The following CDKAL1 variants were observed in gnomAD, a reference collection of about 807,000 sequenced individuals.
CDKAL1 encodes the protein CDKAL1 threonylcarbamoyladenosine tRNA methylthiotransferase.
A neutral mutation model predicts 68.2 loss-of-function variants in CDKAL1; 32 were observed. The ratio of observed to expected loss-of-function variants is 0.47; its 90% confidence interval spans 0.35 to 0.63. The LOEUF (loss-of-function observed/expected upper bound fraction) is 0.63, where lower values mean the gene tolerates loss of function less well. Among genes scored for constraint, CDKAL1 ranks in the 30% least tolerant of loss-of-function variants. CDKAL1 has a pLI of 0.00. For missense variants in CDKAL1, 606 were observed against 696.7 expected (o/e 0.87, Z 1.47); for synonymous variants, 234 against 244.3 (o/e 0.96, Z 0.39).
intron 9 of CDKAL1, among the ~76,000 whole-genome samples, chr6:20,903,759 T>G (rs1762109733): frequency 6.6e-6 from 1 of 152,222 alleles, no homozygotes; most frequent in African/African-American, 2.4e-5. Context: ...ATAATAAACA[T>G]AAGTCCTTCT....
chr6:21,039,728 A>G (rs1490994219), intron 11 of CDKAL1, among the ~76,000 whole-genome samples: 1 of 152,244 alleles, frequency 6.6e-6, no homozygotes. Context: ...TCATGCCTGT[A>G]AGAATCACTC....
intron 4 of CDKAL1, among the ~76,000 whole-genome samples, chr6:20,646,267 G>A (rs1010116388): frequency 1.1e-4 from 17 of 151,738 alleles, no homozygotes; most frequent in African/African-American, 2.7e-4. Context: ...ATCTTGGTCA[G>A]GCTGGTCTTG....
chr6:21,014,688 C>A (rs796788133), intron 11 of CDKAL1, among the ~76,000 whole-genome samples: 3 of 150,860 alleles, frequency 2.0e-5, no homozygotes, highest in African/African-American at 7.3e-5. Flanking sequence ...TTTATCATAT[C>A]TCTAAGTATC....
At chr6:21,224,526 A>G (rs1779659521) in intron 15 of CDKAL1, among the ~76,000 whole-genome samples, 1 of 152,048 alleles carries the variant, frequency 6.6e-6, no homozygotes, top group Non-Finnish European at 1.5e-5. Flanking sequence ...AATAATAATA[A>G]ACAATAACAA....
intron 8 of CDKAL1, among the ~76,000 whole-genome samples, chr6:20,831,730 G>A (rs901249423): frequency 2.6e-5 from 4 of 152,136 alleles, no homozygotes; most frequent in Non-Finnish European, 1.5e-5. Flanking sequence ...GAAATGGTTT[G>A]TTGTTGTTGC....
intron 13 of CDKAL1, among the ~76,000 whole-genome samples, chr6:21,141,387 C>T (rs1201012056): frequency 6.6e-6 from 1 of 152,230 alleles, no homozygotes; most frequent in East Asian, 1.9e-4. Flanking sequence ...GCCTTCAAAG[C>T]ACTCTGTGCT....
intron 5 of CDKAL1, among the ~76,000 whole-genome samples, chr6:20,707,220 G>C (rs1771640509): frequency 6.6e-6 from 1 of 152,176 alleles, no homozygotes; most frequent in African/African-American, 2.4e-5. Flanking sequence ...TGTTCTTGTG[G>C]CAGTCTGGCA....
Position 21,039,195 on chromosome 6 carries a change from A to G in CDKAL1, c.1056-25853A>G, listed in dbSNP as rs369664523. ...ACATTCTTACAGGAGCACGAACCCT[A>G]TTGTGAACTGCGCATGTGAGGGATC... On this transcript the variant is annotated intron_variant, in intron 11 of 15. Transcript: ENST00000274695. Among the ~76,000 whole-genome samples, 5 of 152,258 alleles carry G rather than the reference A, an allele frequency of 3.3e-5. No individual in the cohort carries two copies. In the South Asian group the frequency reaches 1.0e-3, roughly 32 times the overall value.
At chr6:21,198,193 T>A in intron 14 of CDKAL1, 89 bp downstream of exon 14, 1 of 823,016 alleles carries the variant, frequency 1.2e-6, no homozygotes, top group Non-Finnish European at 2.0e-6. Flanking sequence ...GGGGAGAGTG[T>A]TGAATCTTGT....
intron 4 of CDKAL1, among the ~76,000 whole-genome samples, chr6:20,590,953 A>G (rs1765566755): frequency 6.6e-6 from 1 of 152,144 alleles, no homozygotes; most frequent in Non-Finnish European, 1.5e-5. Context: ...CAATGGTTGA[A>G]CTAATTTACA....
chr6:20,751,391 C>G (rs1423177941), intron 6 of CDKAL1, among the ~76,000 whole-genome samples: 1 of 152,160 alleles, frequency 6.6e-6, no homozygotes, highest in Admixed American at 6.5e-5. Flanking sequence ...CCACATTTGA[C>G]TATTTAAATA....
chr6:20,939,125 A>C (rs1254577159), intron 9 of CDKAL1, among the ~76,000 whole-genome samples: 2 of 152,174 alleles, frequency 1.3e-5, no homozygotes, highest in Admixed American at 1.3e-4. Flanking sequence ...CAAAACAGAG[A>C]ATTGCAGTCT....
chr6:21,003,371 T>TATATATATACATACAC, intron 11 of CDKAL1, among the ~76,000 whole-genome samples: 1 of 49,312 alleles, frequency 2.0e-5, no homozygotes, highest in African/African-American at 1.1e-4. Flanking sequence ...TATATATATA[T>TATATATATACATACAC]ACACACACAC....
At chr6:20,810,396 A>T (rs1462094090) in intron 8 of CDKAL1, among the ~76,000 whole-genome samples, 210 of 2,276 alleles carry the variant, frequency 0.092, 2 homozygotes, top group East Asian at 0.44. Context: ...TCTCTGTCAC[A>T]CACACACACA....
At chr6:20,876,280 A>T (rs576620437) in intron 9 of CDKAL1, among the ~76,000 whole-genome samples, 12 of 152,310 alleles carry the variant, frequency 7.9e-5, no homozygotes, top group African/African-American at 2.4e-4. Context: ...TAAGCAGCAG[A>T]TTCTTTCACT....
At chr6:21,030,661 ATCTC>A (rs1453926934) in intron 11 of CDKAL1, among the ~76,000 whole-genome samples, 1 of 152,026 alleles carries the variant, frequency 6.6e-6, no homozygotes, top group Non-Finnish European at 1.5e-5. Flanking sequence ...TTTCCATCAA[ATCTC>A]TTCTTTCGAT....
intron 8 of CDKAL1, among the ~76,000 whole-genome samples, chr6:20,818,173 A>G (rs1035918150): frequency 5.9e-5 from 9 of 152,268 alleles, no homozygotes; most frequent in East Asian, 1.9e-4. Flanking sequence ...ATGACAAACT[A>G]TCACAATCAA....
chr6:20,936,995 T>C (rs781712547), intron 9 of CDKAL1, among the ~76,000 whole-genome samples: 2 of 152,246 alleles, frequency 1.3e-5, no homozygotes, highest in Admixed American at 6.5e-5. Flanking sequence ...CTTCCTTGTT[T>C]GCTTTTATTG....
chr6:20,823,352 A>G (rs1027985859), intron 8 of CDKAL1, among the ~76,000 whole-genome samples: 7 of 152,182 alleles, frequency 4.6e-5, no homozygotes, highest in Non-Finnish European at 1.0e-4. Flanking sequence ...AACGGATGAC[A>G]TAGTGTTTTG....
Sources: allele counts gnomAD v4.1 joint callset (sites outside exome capture counted in the v4.1 genomes callset), GRCh38; gene constraint gnomAD v4.1.1; transcripts MANE v1.5; gene names NCBI Gene and HGNC (gene_info 2026-07-23, HGNC 2026-07-21).